EBF2: variants seen among roughly 807,000 people sequenced by gnomAD.
The protein encoded by EBF2 is transcription factor COE2.
EBF2 carries 21 observed loss-of-function variants against 72.8 expected under a neutral mutation model. That is an observed-to-expected ratio of 0.29 (90% confidence interval 0.20 to 0.42). EBF2 has a LOEUF of 0.42. EBF2 is among the 10% of genes least tolerant of loss of function. EBF2 has a pLI of 1.00. For missense variants in EBF2, 637 were observed against 731.2 expected, an observed-to-expected ratio of 0.87 and a Z score of 1.49; for synonymous variants, 299 against 274.2, an observed-to-expected ratio of 1.09 and a Z score of -0.89.
intron 6 of EBF2, among the ~76,000 whole-genome samples, chr8:26,029,043 G>A (rs1805349767): frequency 6.6e-6 from 1 of 152,138 alleles, no homozygotes; most frequent in Admixed American, 6.5e-5. Context: ...ATTAAGGCAG[G>A]GAGTAATTTA....
intron 6 of EBF2, among the ~76,000 whole-genome samples, chr8:26,027,955 C>T (rs1053465208): frequency 7.2e-5 from 11 of 151,976 alleles, no homozygotes; most frequent in East Asian, 1.9e-4. Context: ...CATGTGCTTG[C>T]GGGGGTAGGA....
chr8:25,884,010 T>C (rs1305619880), intron 10 of EBF2, among the ~76,000 whole-genome samples: 3 of 152,280 alleles, frequency 2.0e-5, no homozygotes, highest in Non-Finnish European at 2.9e-5. Flanking sequence ...TTCTCCACCA[T>C]ATCATGGTGA....
chr8:25,900,369 G>C (rs1323307140), intron 7 of EBF2, among the ~76,000 whole-genome samples: 1 of 152,146 alleles, frequency 6.6e-6, no homozygotes, highest in Non-Finnish European at 1.5e-5. Flanking sequence ...TGAAGCAGGA[G>C]GATCACTTAT....
At chr8:25,999,551 C>T (rs893309796) in intron 6 of EBF2, among the ~76,000 whole-genome samples, 1 of 151,874 alleles carries the variant, frequency 6.6e-6, no homozygotes, top group Non-Finnish European at 1.5e-5. Flanking sequence ...CTTGGTCTCT[C>T]TACATCTGGG....
chr8:25,886,683 A>T, intron 10 of EBF2, 72 bp downstream of exon 10: 2 of 1,478,856 alleles, frequency 1.4e-6, no homozygotes, highest in Non-Finnish European at 1.8e-6. Context: ...ACGATTACAA[A>T]GTGCAGATAC....
chr8:26,042,221 C>T lies in EBF2; in HGVS notation c.162G>A (p.Glu54=). 6.2e-7 allele frequency: 1 copy of T among 1,614,110 alleles called. No homozygotes were observed. Among genetic ancestry groups the T allele is most frequent in the Non-Finnish European group, 8.5e-7 (1 of 1,179,998 alleles). ...SGVALSRAHF[E]KQPPSNLRKS... ...TCCTCAAGTTGGAAGGAGGCTGTTT[C>T]TCAAAGTGGGCCCGGGACAGGGCGA... The change falls in exon 2 of 16, where the codon GAG becomes GAA. Residue 54 remains glutamate, a synonymous_variant. Coordinates refer to ENST00000520164, the MANE Select transcript of EBF2 (RefSeq NM_022659.4).
chr8:25,932,260 G>C (rs1255529821), intron 6 of EBF2, among the ~76,000 whole-genome samples: 1 of 151,712 alleles, frequency 6.6e-6, no homozygotes, highest in African/African-American at 2.4e-5. Flanking sequence ...GTGATCATTA[G>C]GACCCCTCCA....
chr8:25,936,174 A>G (rs993979546), intron 6 of EBF2, among the ~76,000 whole-genome samples: 8 of 152,204 alleles, frequency 5.3e-5, no homozygotes, highest in Admixed American at 1.3e-4. Context: ...TCTGATCCCA[A>G]AAGACATTAT....
intron 10 of EBF2, among the ~76,000 whole-genome samples, chr8:25,881,355 C>T (rs1053048634): frequency 1.3e-5 from 2 of 152,216 alleles, no homozygotes; most frequent in Non-Finnish European, 2.9e-5. Context: ...TTCTTGTCTA[C>T]CCCAGGGTCT....
chr8:25,869,755 C>T (rs560282961), intron 10 of EBF2, among the ~76,000 whole-genome samples: 5 of 152,224 alleles, frequency 3.3e-5, no homozygotes, highest in Admixed American at 1.3e-4. Context: ...TGGTAATATG[C>T]AATAGTGAAA....
At chr8:26,033,230 T>G (rs930939426) in intron 5 of EBF2, 77 bp from the exon 6 acceptor site, 4 of 1,415,698 alleles carry the variant, frequency 2.8e-6, no homozygotes, top group African/African-American at 1.4e-5. Context: ...GACAAGAACA[T>G]TTTTTCCCCC....
chr8:25,871,231 C>G (rs1019460044), intron 10 of EBF2, among the ~76,000 whole-genome samples: 1 of 152,100 alleles, frequency 6.6e-6, no homozygotes, highest in Non-Finnish European at 1.5e-5. Context: ...AAGCAAAGCT[C>G]AATTAGCTAA....
At chr8:25,984,936 GA>G (rs35911115) in intron 6 of EBF2, among the ~76,000 whole-genome samples, 85,416 of 143,924 alleles carry the variant, frequency 0.59, 25,034 homozygotes, top group Admixed American at 0.66. Flanking sequence ...CTCAGCTTCT[GA>G]AAAAAAAAAA....
At chr8:25,948,188 G>A (rs1803803270) in intron 6 of EBF2, among the ~76,000 whole-genome samples, 1 of 152,166 alleles carries the variant, frequency 6.6e-6, no homozygotes, top group Admixed American at 6.5e-5. Context: ...TGACTTGGTT[G>A]TTCCTTGGCC....
intron 6 of EBF2, among the ~76,000 whole-genome samples, chr8:25,995,534 G>A (rs1411144734): frequency 6.6e-6 from 1 of 152,102 alleles, no homozygotes; most frequent in African/African-American, 2.4e-5. Flanking sequence ...TCGAAAATAT[G>A]TATGCTATTT....
chr8:26,006,414 T>C (rs567137437), intron 6 of EBF2, among the ~76,000 whole-genome samples: 10 of 152,340 alleles, frequency 6.6e-5, no homozygotes, highest in African/African-American at 1.7e-4. Context: ...ATCAAATCTC[T>C]GTGCCATCAT....
rs200556392 is a variant in EBF2, at chr8:25,958,233, G to A, written c.552-49678C>T. ...AGAGCCTCCCAACACAAACAGCCCA[G>A]TCTGCTCAGAGCAGGAAAAGGTAAA... On this transcript the variant is annotated intron_variant, in intron 6 of 15. Transcript: ENST00000520164. 2.2e-4 allele frequency among the ~76,000 whole-genome samples: 34 copies of A among 152,336 alleles called. No homozygotes were observed. In the East Asian group the frequency reaches 5.6e-3, roughly 25 times the overall value.
intron 6 of EBF2, among the ~76,000 whole-genome samples, chr8:25,934,840 C>T (rs553841186): frequency 9.2e-5 from 14 of 152,244 alleles, no homozygotes; most frequent in Non-Finnish European, 2.1e-4. Context: ...TATCCTACGG[C>T]GCCATTGCCA....
At chr8:25,968,185 T>A (rs1804142394) in intron 6 of EBF2, among the ~76,000 whole-genome samples, 1 of 152,154 alleles carries the variant, frequency 6.6e-6, no homozygotes, top group South Asian at 2.1e-4. Context: ...TTTGTGGATA[T>A]CTATCTCCCC....
Sources: allele counts gnomAD v4.1 joint callset (sites outside exome capture counted in the v4.1 genomes callset), GRCh38; gene constraint gnomAD v4.1.1; transcripts MANE v1.5; gene names NCBI Gene and HGNC (gene_info 2026-07-23, HGNC 2026-07-21).